The following RAD51B variants were observed in gnomAD, a reference collection of about 807,000 sequenced individuals.
The protein encoded by RAD51B is RAD51 paralog B, also known as DNA repair protein RAD51 homolog 2.
RAD51B carries 38 observed loss-of-function variants against 42.2 expected under a neutral mutation model. That is an observed-to-expected ratio of 0.90 (90% confidence interval 0.70 to 1.18). RAD51B has a LOEUF of 1.18. RAD51B is among the 50% of genes most tolerant of loss of function. RAD51B has a pLI of 0.00. For missense variants in RAD51B, 373 were observed against 400.7 expected (o/e 0.93, Z 0.59); for synonymous variants, 154 against 145.2 (o/e 1.06, Z -0.43).
chr14:67,887,542 T>G (rs1449584841), intron 7 of RAD51B: 1 of 174,868 alleles, frequency 5.7e-6, no homozygotes, highest in Non-Finnish European at 1.2e-5. Flanking sequence ...TATAAAGTAG[T>G]AAAACTTCAT....
At chr14:68,410,802 T>C (rs968075044) in intron 8 of RAD51B, among the ~76,000 whole-genome samples, 2 of 152,164 alleles carry the variant, frequency 1.3e-5, no homozygotes, top group African/African-American at 4.8e-5. Context: ...GGAACTCAGA[T>C]AGAGTTTACT....
At chr14:68,068,760 A>G (rs2076694921) in intron 7 of RAD51B, among the ~76,000 whole-genome samples, 1 of 152,158 alleles carries the variant, frequency 6.6e-6, no homozygotes, top group Non-Finnish European at 1.5e-5. Flanking sequence ...CGATTCCTCC[A>G]CATACACACC....
intron 7 of RAD51B, among the ~76,000 whole-genome samples, chr14:68,248,159 T>C (rs1236844476): frequency 6.6e-6 from 1 of 152,212 alleles, no homozygotes; most frequent in Non-Finnish European, 1.5e-5. Context: ...GCAGAAGTAA[T>C]AATACTTTAA....
intron 8 of RAD51B, chr14:68,338,952 T>C (rs1271164589): frequency 3.3e-5 from 22 of 658,596 alleles, no homozygotes; most frequent in Admixed American, 3.2e-4. Context: ...GTGGACTAGA[T>C]GTCCCAGTCT....
intron 8 of RAD51B, among the ~76,000 whole-genome samples, chr14:68,373,169 T>G (rs2083295150): frequency 6.6e-6 from 1 of 152,232 alleles, no homozygotes. Flanking sequence ...GAGAGTGGCT[T>G]TGTATGTGTG....
chr14:67,850,699 C>T (rs1219217395), intron 4 of RAD51B, among the ~76,000 whole-genome samples: 1 of 152,108 alleles, frequency 6.6e-6, no homozygotes, highest in East Asian at 1.9e-4. Context: ...CCTGGCTTGT[C>T]CACAAATACC....
chr14:68,121,648 C>T (rs902684237), intron 7 of RAD51B, among the ~76,000 whole-genome samples: 1 of 151,528 alleles, frequency 6.6e-6, no homozygotes, highest in African/African-American at 2.4e-5. Context: ...AGGAGTCTTA[C>T]AAGAAAAAGA....
intron 7 of RAD51B, among the ~76,000 whole-genome samples, chr14:68,138,620 G>A (rs1172346257): frequency 6.6e-6 from 1 of 152,042 alleles, no homozygotes; most frequent in Non-Finnish European, 1.5e-5. Flanking sequence ...AATGATTTGT[G>A]GAATTTAGTC....
rs1287954263 is a variant in RAD51B, at chr14:68,305,905, C to CT, written c.853+13926dup. ...GTACCTGTGGTGGATGACTGTTTTT[C>CT]TCGGCCAGCTGTTTAATGAGCACCA... On this transcript the variant is annotated intron_variant, in intron 8 of 10. Transcript: ENST00000471583. Among the ~76,000 whole-genome samples the CT allele has an allele frequency of 4.6e-5, 7 of 152,312 alleles. No individual in the cohort carries two copies. The South Asian group carries it at 6.2e-4, about 14-fold the overall frequency.
At chr14:68,671,027 C>A (rs977451074) in intron 11 of RAD51B, among the ~76,000 whole-genome samples, 5 of 152,306 alleles carry the variant, frequency 3.3e-5, no homozygotes, top group Non-Finnish European at 5.9e-5. Flanking sequence ...CTGGCCCCCC[C>A]AAGATGGTAG....
intron 9 of RAD51B, among the ~76,000 whole-genome samples, chr14:68,454,066 G>T (rs1594861038): frequency 6.6e-6 from 1 of 152,162 alleles, no homozygotes; most frequent in East Asian, 1.9e-4. Context: ...AATATAATAG[G>T]TGACAGATTC....
chr14:67,839,427 G>T (rs1269894304), intron 4 of RAD51B, among the ~76,000 whole-genome samples: 1 of 151,870 alleles, frequency 6.6e-6, no homozygotes, highest in East Asian at 1.9e-4. Flanking sequence ...TTAGGAATTT[G>T]TCCATTTTCT....
chr14:68,504,662 C>CTTTTTTTTTTTTTTTTTTTTTTTTTTTT (rs57967320), intron 10 of RAD51B, among the ~76,000 whole-genome samples: 1 of 90,434 alleles, frequency 1.1e-5, no homozygotes, highest in East Asian at 4.1e-4. Flanking sequence ...TTTTTTCTTT[C>CTTTTTTTTTTTTTTTTTTTTTTTTTTTT]TTTTTTTTTT....
intron 7 of RAD51B, among the ~76,000 whole-genome samples, chr14:68,206,375 A>G (rs2079585341): frequency 6.6e-6 from 1 of 152,298 alleles, no homozygotes; most frequent in East Asian, 1.9e-4. Context: ...CTTGCTCTTC[A>G]TCACTACCCC....
chr14:68,274,413 G>A (rs1285803391), intron 7 of RAD51B, among the ~76,000 whole-genome samples: 3 of 151,918 alleles, frequency 2.0e-5, no homozygotes, highest in African/African-American at 4.8e-5. Flanking sequence ...TCTTTAAATC[G>A]ATAAGGGCAT....
intron 7 of RAD51B, among the ~76,000 whole-genome samples, chr14:67,955,830 G>A (rs2074535882): frequency 6.6e-6 from 1 of 152,210 alleles, no homozygotes; most frequent in African/African-American, 2.4e-5. Context: ...GAAGGAACAT[G>A]TGAACTGGAC....
Position 68,552,719 on chromosome 14 carries a change from C to A in RAD51B, c.1037-41766C>A, listed in dbSNP as rs1888641254. ...GATGGAAAAAAAAAGTTAGTAATAA[C>A]ACGTTTCTGTGGAGGCATTTCCATT... On this transcript the variant is annotated intron_variant, in intron 10 of 10. Transcript: ENST00000487270. Among the ~76,000 whole-genome samples the A allele has an allele frequency of 2.6e-5, 4 of 152,088 alleles. No individual in the cohort carries two copies. The South Asian group carries it at 8.3e-4, about 31-fold the overall frequency.
chr14:68,479,264 T>C (rs1329740849), downstream of RAD51B, among the ~76,000 whole-genome samples: 2 of 152,160 alleles, frequency 1.3e-5, no homozygotes, highest in African/African-American at 4.8e-5. Context: ...TGACATGAAT[T>C]GGTTAATTTC....
intron 7 of RAD51B, among the ~76,000 whole-genome samples, chr14:68,011,881 C>T (rs950059009): frequency 6.6e-6 from 1 of 152,076 alleles, no homozygotes; most frequent in African/African-American, 2.4e-5. Context: ...CAGTTTCCAT[C>T]ATTTCCTGCC....
Sources: allele counts gnomAD v4.1 joint callset (sites outside exome capture counted in the v4.1 genomes callset), GRCh38; gene constraint gnomAD v4.1.1; transcripts MANE v1.5; gene names NCBI Gene and HGNC (gene_info 2026-07-23, HGNC 2026-07-21).